CAST: variants seen among roughly 807,000 people sequenced by gnomAD.
The protein encoded by CAST is calpastatin.
Under a neutral mutation model 119.6 loss-of-function variants are expected in CAST, and 76 were observed. The observed-to-expected ratio is 0.64, with a 90% CI of 0.53 to 0.77. The LOEUF (loss-of-function observed/expected upper bound fraction) is 0.77. Among genes scored for constraint, CAST ranks in the 30% least tolerant of loss-of-function variants. The pLI, the probability that CAST is intolerant of heterozygous loss-of-function variation, is 0.00. For synonymous variants in CAST, 319 were observed against 331.6 expected (o/e 0.96, Z 0.41); for missense variants, 953 against 946.5 (o/e 1.01, Z -0.09).
At chr5:96,107,169 C>A in the CAST span, among the ~76,000 whole-genome samples, 1 of 151,850 alleles carries the variant, frequency 6.6e-6, no homozygotes. Context: ...GGTCTTGACT[C>A]TTTATCCAAT....
the CAST span, among the ~76,000 whole-genome samples, chr5:96,217,958 A>G: frequency 1.3e-5 from 2 of 152,184 alleles, no homozygotes; most frequent in Non-Finnish European, 2.9e-5. Flanking sequence ...TGTGTATGCT[A>G]TATTTCAATG....
chr5:96,620,531 G>C (rs1053731499), intron 1 of CAST, among the ~76,000 whole-genome samples: 2 of 152,136 alleles, frequency 1.3e-5, no homozygotes, highest in African/African-American at 4.8e-5. Context: ...TGTACCAGAT[G>C]ATTTTGTCCA....
the CAST span, among the ~76,000 whole-genome samples, chr5:96,201,070 A>G: frequency 6.6e-6 from 1 of 152,202 alleles, no homozygotes; most frequent in African/African-American, 2.4e-5. Context: ...TTTTTGAGTC[A>G]GGAATAAATG....
intron 1 of CAST, among the ~76,000 whole-genome samples, chr5:96,626,560 T>G (rs72772045): frequency 6.6e-6 from 1 of 152,264 alleles, no homozygotes; most frequent in South Asian, 2.1e-4. Context: ...ATTCCTCTGA[T>G]GAAGCCCCAC....
the CAST span, among the ~76,000 whole-genome samples, chr5:96,002,625 TC>T: frequency 3.9e-5 from 6 of 151,972 alleles, no homozygotes; most frequent in Admixed American, 3.9e-4. Context: ...CTGTCTTAGC[TC>T]CTGAAGCCAG....
In CAST at chr5:96,717,399, T is replaced by C. The variant is rs111583508; in HGVS notation, c.211-5240T>C. On this transcript the variant is annotated intron_variant, in intron 3 of 31. Coordinates refer to ENST00000675179, the MANE Select transcript of CAST (RefSeq NM_001750.7). ...GCTTCTAGGCAGGGGGAATGGCAAG[T>C]TGCAAGGCTCAGAAGTGGAAGGGAG... is the stretch of plus-strand genomic sequence containing the variant. Among the ~76,000 whole-genome samples the C allele has an allele frequency of 6.9e-3, 1,051 of 152,274 alleles. 22 individuals carry two copies. Among genetic ancestry groups the C allele is most frequent in the African/African-American group, 0.024 (998 of 41,554 alleles).
At chr5:96,237,290 T>C in the CAST span, among the ~76,000 whole-genome samples, 1 of 152,166 alleles carries the variant, frequency 6.6e-6, no homozygotes, top group African/African-American at 2.4e-5. Flanking sequence ...CCTAGAACCT[T>C]TGTATTGGTG....
chr5:96,692,350 G>A (rs1752821724), intron 2 of CAST, among the ~76,000 whole-genome samples: 1 of 152,136 alleles, frequency 6.6e-6, no homozygotes, highest in African/African-American at 2.4e-5. Context: ...GACTCAGGGG[G>A]TCAGGTAGTA....
chr5:96,155,851 G>A, the CAST span, among the ~76,000 whole-genome samples: 1 of 152,130 alleles, frequency 6.6e-6, no homozygotes, highest in Non-Finnish European at 1.5e-5. Flanking sequence ...AGTGGTAATA[G>A]TCCAAGATCT....
chr5:96,477,172 A>G, the CAST span, among the ~76,000 whole-genome samples: 1 of 151,722 alleles, frequency 6.6e-6, no homozygotes, highest in Non-Finnish European at 1.5e-5. Context: ...AGGCAGAGAT[A>G]GAGTCTGCTG....
the CAST span, among the ~76,000 whole-genome samples, chr5:96,493,066 T>C: frequency 1.3e-5 from 2 of 152,212 alleles, no homozygotes; most frequent in African/African-American, 4.8e-5. Flanking sequence ...TACAGATAAT[T>C]TTATTTTCTA....
At chr5:96,008,878 G>A in the CAST span, among the ~76,000 whole-genome samples, 1 of 152,148 alleles carries the variant, frequency 6.6e-6, no homozygotes, top group Non-Finnish European at 1.5e-5. Context: ...TGTTACATGG[G>A]TATATTGTAT....
chr5:96,315,524 C>G, the CAST span, among the ~76,000 whole-genome samples: 12 of 152,176 alleles, frequency 7.9e-5, no homozygotes, highest in Non-Finnish European at 1.8e-4. Flanking sequence ...AAACTGAGAT[C>G]AGAAAGAGAA....
At chr5:96,126,158 T>C in the CAST span, among the ~76,000 whole-genome samples, 2 of 152,144 alleles carry the variant, frequency 1.3e-5, no homozygotes, top group Non-Finnish European at 2.9e-5. Flanking sequence ...GAAGGAAAGG[T>C]TCCTTTGGGA....
rs1765751454 is a variant in CAST at position 96,754,071 on chromosome 5, G to A, written c.1536G>A (p.Val512=). The A allele has an allele frequency of 6.2e-7, 1 of 1,611,520 alleles. No homozygotes were observed. The highest frequency in any genetic ancestry group is 8.5e-7 in the Non-Finnish European group (1 of 1,177,774). ...TAATGCACTTTCAGAAGGGCACAGT[G>A]CCAGATGATGCTGTAGAAGCCTTGG... ...PPEPATLKGT[V]PDDAVEALAD... Residue 512 remains valine, a synonymous_variant, in exon 21 of 32, where the codon GTG becomes GTA. Coordinates refer to ENST00000675179, the MANE Select transcript of CAST (RefSeq NM_001750.7).
chr5:96,469,101 G>A, the CAST span, among the ~76,000 whole-genome samples: 1 of 152,032 alleles, frequency 6.6e-6, no homozygotes, highest in Non-Finnish European at 1.5e-5. Context: ...ATAGACAGCA[G>A]GTGACAGGGA....
At position 96,765,238 on chromosome 5, in the gene CAST, C is replaced by T. The variant is rs1319199671; in HGVS notation, c.1950C>T (p.Leu650=). ...CTTTTCAGCAGAGTGACAAAGACCTCGATGATGCCTTGGATAAACTCTCTG... is the reference window on the plus strand; with the variant it reads ...CTTTTCAGCAGAGTGACAAAGACCTTGATGATGCCTTGGATAAACTCTCTG... ...PRDTSQSDKD[L]DDALDKLSDS... The change falls in exon 26 of 32, where the codon CTC becomes CTT. Residue 650 remains leucine, a synonymous_variant. Coordinates refer to ENST00000675179, the MANE Select transcript of CAST (RefSeq NM_001750.7). The T allele has an allele frequency of 1.1e-5, 17 of 1,603,024 alleles. No homozygotes were observed. Among genetic ancestry groups the T allele is most frequent in the Admixed American group, 5.0e-5 (3 of 59,502 alleles).
At chr5:96,363,597 A>T in the CAST span, among the ~76,000 whole-genome samples, 1 of 152,138 alleles carries the variant, frequency 6.6e-6, no homozygotes, top group African/African-American at 2.4e-5. Flanking sequence ...CTTTGAAGCA[A>T]TTGTGAATAG....
chr5:96,590,139 A>G (rs1049706090), intron 1 of CAST, among the ~76,000 whole-genome samples: 2 of 152,342 alleles, frequency 1.3e-5, no homozygotes, highest in East Asian at 3.9e-4. Flanking sequence ...AGCAAGTTGT[A>G]TTAATAAATC....
Sources: allele counts gnomAD v4.1 joint callset (sites outside exome capture counted in the v4.1 genomes callset), GRCh38; gene constraint gnomAD v4.1.1; transcripts MANE v1.5; gene names NCBI Gene and HGNC (gene_info 2026-07-23, HGNC 2026-07-21).